GPATCH2: variants seen among roughly 807,000 people sequenced by gnomAD.
GPATCH2 encodes G-patch domain containing 2, also known as G patch domain-containing protein 2.
In GPATCH2, 51 loss-of-function variants were observed where a neutral mutation model predicts 58.0. That is an observed-to-expected ratio of 0.88 (90% CI 0.70 to 1.11). GPATCH2 has a LOEUF of 1.11. Among genes scored for constraint, GPATCH2 ranks in the 50% most tolerant of loss-of-function variants. The probability of loss-of-function intolerance (pLI) is 0.00; values close to 1 mark genes in which losing one functional copy is unlikely to be tolerated. For missense variants in GPATCH2, 625 were observed against 652.2 expected (o/e 0.96, Z 0.45); for synonymous variants, 222 against 218.5 (o/e 1.02, Z -0.14).
At chr1:217,577,746 T>C (rs1429632813) in intron 5 of GPATCH2, among the ~76,000 whole-genome samples, 3 of 151,846 alleles carry the variant, frequency 2.0e-5, no homozygotes, top group African/African-American at 7.3e-5. Context: ...CTTATTATTA[T>C]TATTATTATT....
rs368848642 is a variant in GPATCH2, at chr1:217,568,072, G to A, written c.1098+42249C>T. Among the ~76,000 whole-genome samples, 8 of 152,228 alleles carry A rather than the reference G, an allele frequency of 5.3e-5. No homozygotes were observed. In the East Asian group the frequency reaches 9.7e-4, roughly 18 times the overall value. ...GCGGAGCTTGCAGTGAGCCGAGATC[G>A]TGCCACTGCACTCCAGCCTGGGCGA... On this transcript the variant is annotated intron_variant, in intron 5 of 9. Coordinates refer to ENST00000366935, the MANE Select transcript of GPATCH2 (RefSeq NM_018040.5).
intron 5 of GPATCH2, among the ~76,000 whole-genome samples, chr1:217,528,566 C>G (rs1258528599): frequency 6.6e-6 from 1 of 152,118 alleles, no homozygotes; most frequent in African/African-American, 2.4e-5. Flanking sequence ...CTAATGATCT[C>G]CATGCCTCTT....
rs542092418 is a variant in GPATCH2, at chr1:217,572,686, T to G, written c.1098+37635A>C. Among the ~76,000 whole-genome samples the G allele has an allele frequency of 3.3e-5, 5 of 152,328 alleles. No homozygotes were observed. The East Asian group carries it at 7.7e-4, about 24-fold the overall frequency. On this transcript the variant is annotated intron_variant, in intron 5 of 9. Transcript: ENST00000366935. ...TCTTCTAAAATTCTCTCACCCTGGCTGCATAGTAGAATTACCAAATCTCTT... is the reference window on the plus strand; with the variant it reads ...TCTTCTAAAATTCTCTCACCCTGGCGGCATAGTAGAATTACCAAATCTCTT...
At chr1:217,475,037 T>C (rs1294571611) in intron 8 of GPATCH2, among the ~76,000 whole-genome samples, 1 of 152,178 alleles carries the variant, frequency 6.6e-6, no homozygotes, top group Non-Finnish European at 1.5e-5. Flanking sequence ...CACACGTATT[T>C]CACCTTTTCA....
At chr1:217,551,133 A>C (rs79786698) in intron 5 of GPATCH2, among the ~76,000 whole-genome samples, 3 of 151,726 alleles carry the variant, frequency 2.0e-5, no homozygotes, top group Non-Finnish European at 2.9e-5. Context: ...AAAAAAAAAA[A>C]CAGAGAGAAA....
chr1:217,478,277 A>G (rs1316283935), intron 8 of GPATCH2, among the ~76,000 whole-genome samples: 1 of 152,220 alleles, frequency 6.6e-6, no homozygotes, highest in Non-Finnish European at 1.5e-5. Context: ...AAGACCATCC[A>G]GGAAAACATG....
At chr1:217,452,586 C>T (rs538897089) in intron 8 of GPATCH2, among the ~76,000 whole-genome samples, 159 of 152,150 alleles carry the variant, frequency 1.0e-3, no homozygotes, top group Admixed American at 1.6e-3. Flanking sequence ...ACTATTTTTT[C>T]ATACTTCTTA....
intron 5 of GPATCH2, among the ~76,000 whole-genome samples, chr1:217,572,668 A>C (rs951318496): frequency 2.6e-5 from 4 of 152,210 alleles, no homozygotes; most frequent in African/African-American, 9.6e-5. Flanking sequence ...GATTCTTCTA[A>C]AATTCTCTCA....
intron 2 of GPATCH2, among the ~76,000 whole-genome samples, chr1:217,617,862 CAA>C (rs1172687639): frequency 2.0e-5 from 3 of 151,996 alleles, no homozygotes; most frequent in Admixed American, 6.6e-5. Context: ...AGTAGATACT[CAA>C]ATACTTTTTA....
At chr1:217,517,715 G>A (rs1286369485) in intron 5 of GPATCH2, among the ~76,000 whole-genome samples, 1 of 151,998 alleles carries the variant, frequency 6.6e-6, no homozygotes, top group Non-Finnish European at 1.5e-5. Context: ...AATTAAGTAT[G>A]GTGACTGTTT....
At chr1:217,463,257 A>C (rs1372351859) in intron 8 of GPATCH2, among the ~76,000 whole-genome samples, 1 of 152,210 alleles carries the variant, frequency 6.6e-6, no homozygotes, top group African/African-American at 2.4e-5. Context: ...AACATGGCAG[A>C]ACACAGCACA....
chr1:217,598,844 A>G (rs1057442520), intron 5 of GPATCH2, among the ~76,000 whole-genome samples: 40 of 152,222 alleles, frequency 2.6e-4, no homozygotes, highest in African/African-American at 9.4e-4. Flanking sequence ...GACTCCCATC[A>G]TTGGGTAGAC....
intron 5 of GPATCH2, among the ~76,000 whole-genome samples, chr1:217,591,500 A>G (rs1410393672): frequency 6.6e-6 from 1 of 152,148 alleles, no homozygotes; most frequent in African/African-American, 2.4e-5. Context: ...AGGACCAGAA[A>G]TAACTAAACC....
intron 5 of GPATCH2, among the ~76,000 whole-genome samples, chr1:217,548,181 T>A (rs1390620950): frequency 6.6e-6 from 1 of 152,168 alleles, no homozygotes; most frequent in East Asian, 1.9e-4. Context: ...ATACTTCATG[T>A]TCTCACTTAT....
chr1:217,436,909 C>T (rs1464148212), intron 9 of GPATCH2, among the ~76,000 whole-genome samples: 1 of 152,122 alleles, frequency 6.6e-6, no homozygotes, highest in Non-Finnish European at 1.5e-5. Flanking sequence ...ATTATATCAT[C>T]AACATTTTCT....
intron 6 of GPATCH2, among the ~76,000 whole-genome samples, chr1:217,503,690 A>T (rs1361194812): frequency 6.6e-6 from 1 of 152,140 alleles, no homozygotes; most frequent in Non-Finnish European, 1.5e-5. Flanking sequence ...GTATCATACC[A>T]TTCAAAATTT....
rs551455339 is a variant in GPATCH2 at position 217,622,475 on chromosome 1, A to G, written c.57-1976T>C. Among the ~76,000 whole-genome samples the G allele has an allele frequency of 9.8e-5, 15 of 152,350 alleles. No individual in the cohort carries two copies. In the South Asian group the frequency reaches 3.1e-3, roughly 32 times the overall value. ...TAAAAATGTGGTGATTCAAATATCT[A>G]TTTTAAATAAACTCTGGAGGGCCAC... On this transcript the variant is annotated intron_variant, in intron 1 of 9. Coordinates refer to ENST00000366935, the MANE Select transcript of GPATCH2 (RefSeq NM_018040.5).
At chr1:217,572,293 G>A (rs919812877) in intron 5 of GPATCH2, among the ~76,000 whole-genome samples, 2 of 152,076 alleles carry the variant, frequency 1.3e-5, no homozygotes, top group Non-Finnish European at 2.9e-5. Context: ...AGTAGAACTG[G>A]ACCAATTACA....
chr1:217,539,848 G>T (rs564237409), intron 5 of GPATCH2, among the ~76,000 whole-genome samples: 1 of 152,152 alleles, frequency 6.6e-6, no homozygotes, highest in Non-Finnish European at 1.5e-5. Context: ...AACCCTGAAA[G>T]ACTTGATTTC....
Sources: gnomAD v4.1 joint callset for allele counts (sites outside exome capture counted in the v4.1 genomes callset) on GRCh38, gnomAD v4.1.1 for gene constraint, MANE v1.5 for transcripts, NCBI Gene and HGNC (gene_info 2026-07-23, HGNC 2026-07-21) for gene names.